The following BMP7 variants were observed in gnomAD, a reference collection of about 807,000 sequenced individuals.
BMP7 encodes the protein bone morphogenetic protein 7, also known as osteogenic protein 1.
BMP7 carries 12 observed loss-of-function variants against 41.2 expected under a neutral mutation model. The observed-to-expected ratio is 0.29, with a 90% CI of 0.19 to 0.47. The LOEUF (loss-of-function observed/expected upper bound fraction) is 0.47, where lower values mean the gene tolerates loss of function less well. Among genes scored for constraint, BMP7 ranks in the 20% least tolerant of loss-of-function variants. BMP7 has a pLI of 0.99. For missense variants in BMP7, 467 were observed against 606.0 expected, an observed-to-expected ratio of 0.77 and a Z score of 2.41; for synonymous variants, 248 against 250.0, an observed-to-expected ratio of 0.99 and a Z score of 0.07.
chr20:57,263,507 G>A (rs2066161761), intron 1 of BMP7, among the ~76,000 whole-genome samples: 1 of 152,114 alleles, frequency 6.6e-6, no homozygotes, highest in Non-Finnish European at 1.5e-5. Context: ...CCACACTGCC[G>A]GCCCATAAGC....
rs890299718 is a variant in BMP7 at position 57,170,650 on chromosome 20, C to T, written c.*309G>A. The T allele has an allele frequency of 2.1e-5, 8 of 375,652 alleles. No individual in the cohort carries two copies. The highest frequency in any genetic ancestry group is 8.9e-4 in the Middle Eastern group (1 of 1,118). The allele number at this position is 375,652 out of a possible 1,614,324, so 23.3% of individuals were successfully genotyped here. A position where few individuals can be genotyped will look rare whatever the true frequency, so the allele number is the denominator to read the frequency against. On this transcript the variant is annotated 3_prime_UTR_variant, in exon 7 of 7. Transcript: ENST00000395863. ...AGGCGCTCATAATTACCTCTGGAAA[C>T]GAGTCCGTGCATGGCTGAGACTTCC...
chr20:57,192,144 TA>T, intron 3 of BMP7, among the ~76,000 whole-genome samples: 1 of 120,824 alleles, frequency 8.3e-6, no homozygotes, highest in South Asian at 2.3e-4. Context: ...ATATTATATA[TA>T]ATATATAGTT....
chr20:57,266,056 G>A lies in BMP7; in HGVS notation c.67C>T (p.Leu23=). The A allele has an allele frequency of 6.5e-7, 1 of 1,542,068 alleles. No individual in the cohort carries two copies. Among genetic ancestry groups the A allele is most frequent in the African/African-American group, 1.4e-5 (1 of 73,176 alleles). ...AAGTCGGCCAGGGCGGAGCGCAGCA[G>A]GAACAGGGGTGCCCAGAGCGCCACG... is the stretch of plus-strand genomic sequence containing the variant. The part of the protein sequence containing the change: ...SFVALWAPLF[L]LRSALADFSL... Residue 23 remains leucine (L), a synonymous_variant, in exon 1 of 7, where the codon CTG becomes TTG. Coordinates refer to ENST00000395863, the MANE Select transcript of BMP7 (RefSeq NM_001719.3).
intron 1 of BMP7, among the ~76,000 whole-genome samples, chr20:57,246,325 C>T (rs1300570251): frequency 6.6e-6 from 1 of 152,214 alleles, no homozygotes; most frequent in Non-Finnish European, 1.5e-5. Flanking sequence ...ATACCAATAT[C>T]TTAATCAATT....
intron 2 of BMP7, among the ~76,000 whole-genome samples, chr20:57,227,212 TTC>T (rs1188303929): frequency 6.6e-6 from 1 of 152,160 alleles, no homozygotes; most frequent in Non-Finnish European, 1.5e-5. Context: ...TGTGGCCACA[TTC>T]TCTCTGGGTA....
intron 5 of BMP7, chr20:57,173,658 A>C: frequency 1.7e-5 from 6 of 347,588 alleles, no homozygotes; most frequent in Non-Finnish European, 2.7e-5. Context: ...TAAAATAAAA[A>C]TGAAGGAAAG....
intron 2 of BMP7, among the ~76,000 whole-genome samples, chr20:57,207,918 T>C (rs1438931901): frequency 6.9e-6 from 1 of 145,366 alleles, no homozygotes; most frequent in Admixed American, 7.1e-5. Context: ...CAAGCTCCGC[T>C]TCCCGGGTTC....
chr20:57,173,646 CATAAA>C lies in BMP7; in HGVS notation c.1036-341_1036-337del, dbSNP rs3067075. On this transcript the variant is annotated intron_variant, in intron 5 of 6. Transcript: ENST00000395863. ...GAGCAAGACCCCATTTCTAAAAAAA[CATAAA>C]ATAAAAATGAAGGAAAGCCCCACGG... The C allele has an allele frequency of 0.49, 188,334 of 384,742 alleles. 48,521 individuals are homozygous for C. The highest frequency in any genetic ancestry group is 0.65 in the South Asian group (23,594 of 36,208). The allele number at this position is 384,742 out of a possible 1,614,324, so 23.8% of individuals were successfully genotyped here.
At chr20:57,254,024 T>TC (rs2066124402) in intron 1 of BMP7, among the ~76,000 whole-genome samples, 1 of 136,844 alleles carries the variant, frequency 7.3e-6, no homozygotes, top group African/African-American at 2.8e-5. Flanking sequence ...TTCCTTTTTT[T>TC]TTTTTTTTTT....
chr20:57,210,372 C>G (rs1317151199), intron 2 of BMP7, among the ~76,000 whole-genome samples: 1 of 152,246 alleles, frequency 6.6e-6, no homozygotes, highest in African/African-American at 2.4e-5. Flanking sequence ...CCACCTTCCC[C>G]TGGAAAGTTC....
At chr20:57,190,814 G>A (rs1160665449) in intron 3 of BMP7, among the ~76,000 whole-genome samples, 1 of 152,160 alleles carries the variant, frequency 6.6e-6, no homozygotes, top group Non-Finnish European at 1.5e-5. Flanking sequence ...CTCCTGCACA[G>A]AAGCCAGCTT....
rs371542500 is a variant in BMP7, at chr20:57,265,889, C to A, written c.234G>T (p.Ser78=). Residue 78 remains serine, a synonymous_variant, in exon 1 of 7, where the codon TCG becomes TCT. Transcript: ENST00000395863. The part of the protein sequence containing the change: ...PRPHLQGKHN[S]APMFMLDLYN... ...ACAGGTCCAGCATGAACATGGGTGCCGAGTTGTGCTTGCCCTGGAGGTGCG... is the reference window on the plus strand; with the variant it reads ...ACAGGTCCAGCATGAACATGGGTGCAGAGTTGTGCTTGCCCTGGAGGTGCG... 1 of 1,599,834 alleles carries A rather than the reference C, an allele frequency of 6.3e-7. No homozygotes were observed. Among genetic ancestry groups the A allele is most frequent in the African/African-American group, 1.3e-5 (1 of 74,882 alleles).
chr20:57,264,518 T>C (rs1568734011), intron 1 of BMP7, among the ~76,000 whole-genome samples: 1 of 152,056 alleles, frequency 6.6e-6, no homozygotes, highest in Non-Finnish European at 1.5e-5. Context: ...CGCGCACATA[T>C]GGAGGGGGAG....
At chr20:57,190,114 GT>G (rs1984314778) in intron 3 of BMP7, among the ~76,000 whole-genome samples, 2 of 152,234 alleles carry the variant, frequency 1.3e-5, no homozygotes, top group African/African-American at 4.8e-5. Context: ...AACCAGAGAG[GT>G]TGAGACTGGA....
intron 2 of BMP7, among the ~76,000 whole-genome samples, chr20:57,208,859 A>G (rs1984805434): frequency 6.6e-6 from 1 of 152,194 alleles, no homozygotes; most frequent in African/African-American, 2.4e-5. Flanking sequence ...GTCCATTTCT[A>G]TGAAATGTCC....
At chr20:57,241,279 T>C (rs1207617547) in intron 1 of BMP7, among the ~76,000 whole-genome samples, 3 of 152,230 alleles carry the variant, frequency 2.0e-5, no homozygotes, top group African/African-American at 7.2e-5. Flanking sequence ...GCACACTCGA[T>C]GCACTCGCCA....
chr20:57,235,490 C>T (rs983702536), intron 1 of BMP7, among the ~76,000 whole-genome samples: 15 of 152,172 alleles, frequency 9.9e-5, no homozygotes, highest in Non-Finnish European at 1.9e-4. Context: ...GAGACACAGT[C>T]CCTAAAGAGA....
In BMP7 at chr20:57,180,104, C is replaced by T. The variant is rs1000660496; in HGVS notation, c.958+3618G>A. Among the ~76,000 whole-genome samples the T allele has an allele frequency of 2.4e-4, 36 of 152,134 alleles. 1 individual carries two copies. The highest frequency in any genetic ancestry group is 9.2e-4 in the Admixed American group (14 of 15,280). Reference sequence around the variant, plus strand: ...TGATCTGCCACATCCTCTAAGGAGTCTCCGGCCTCTGAGCACCCCCTCGGC... The same window carrying T: ...TGATCTGCCACATCCTCTAAGGAGTTTCCGGCCTCTGAGCACCCCCTCGGC... On this transcript the variant is annotated intron_variant, in intron 4 of 6. Transcript: ENST00000395863.
At chr20:57,202,721 A>C in intron 2 of BMP7, 98 bp from the exon 3 acceptor site, 3 of 466,546 alleles carry the variant, frequency 6.4e-6, no homozygotes, top group Non-Finnish European at 1.3e-5. Flanking sequence ...GTGGGAGGGG[A>C]GGGAAAGAGT....
Sources: gnomAD v4.1 joint callset for allele counts (sites outside exome capture counted in the v4.1 genomes callset) on GRCh38, gnomAD v4.1.1 for gene constraint, MANE v1.5 for transcripts, NCBI Gene and HGNC (gene_info 2026-07-23, HGNC 2026-07-21) for gene names.